The following DENND2B variants were observed in gnomAD, a reference collection of about 807,000 sequenced individuals.
DENND2B encodes DENN domain containing 2B.
Under a neutral mutation model 116.0 loss-of-function variants are expected in DENND2B, and 32 were observed. That is an observed-to-expected ratio of 0.28 (90% CI 0.21 to 0.37). The LOEUF is 0.37. Ranked by LOEUF, DENND2B falls within the 10% of genes least tolerant of loss-of-function variation. DENND2B has a pLI of 1.00. For missense variants in DENND2B, 1,276 were observed against 1,477.7 expected, an observed-to-expected ratio of 0.86 and a Z score of 2.24; for synonymous variants, 588 against 583.9, an observed-to-expected ratio of 1.01 and a Z score of -0.10.
intron 2 of DENND2B, among the ~76,000 whole-genome samples, chr11:8,741,732 G>C (rs1182750401): frequency 6.6e-6 from 1 of 152,188 alleles, no homozygotes; most frequent in Non-Finnish European, 1.5e-5. Context: ...CATGCTAGGA[G>C]CAAGCCCAGG....
At chr11:8,710,231 G>T (rs769932480) in intron 11 of DENND2B, among the ~76,000 whole-genome samples, 46 of 152,148 alleles carry the variant, frequency 3.0e-4, no homozygotes, top group Middle Eastern at 3.2e-3. Flanking sequence ...TATTTCCCAG[G>T]ACTAATGGGA....
At chr11:8,878,661 G>A (rs1047122712) in intron 2 of DENND2B, among the ~76,000 whole-genome samples, 5 of 152,200 alleles carry the variant, frequency 3.3e-5, no homozygotes, top group Non-Finnish European at 7.3e-5. Flanking sequence ...GATTACAGGT[G>A]TGAGCCACCG....
chr11:8,895,550 G>A (rs2064090946), intron 1 of DENND2B: 1 of 152,098 alleles, frequency 6.6e-6, no homozygotes, highest in South Asian at 2.1e-4. Context: ...CAAAATAATA[G>A]AGACAGAAGA....
rs188234894 is a variant in DENND2B at position 8,877,227 on chromosome 11, C to T, written c.-156+3783G>A. Among the ~76,000 whole-genome samples, 327 of 151,484 alleles carry T rather than the reference C, an allele frequency of 2.2e-3. 8 individuals carry two copies. In the East Asian group the frequency reaches 0.045, roughly 21 times the overall value. ...CATGCCATTCTCCTGCCTTAGCCTCCCGAGTAGCTGGGACTACAGGTGCCC... is the reference window on the plus strand; with the variant it reads ...CATGCCATTCTCCTGCCTTAGCCTCTCGAGTAGCTGGGACTACAGGTGCCC... On this transcript the variant is annotated intron_variant, in intron 2 of 22. Transcript: ENST00000534127.
chr11:8,827,442 T>C (rs1030277374), intron 4 of DENND2B, among the ~76,000 whole-genome samples: 2 of 152,210 alleles, frequency 1.3e-5, no homozygotes, highest in Non-Finnish European at 2.9e-5. Flanking sequence ...TGAAAGATTA[T>C]AGCCACTCAT....
chr11:8,883,893 C>T (rs1336294591), intron 1 of DENND2B, among the ~76,000 whole-genome samples: 1 of 152,148 alleles, frequency 6.6e-6, no homozygotes, highest in African/African-American at 2.4e-5. Flanking sequence ...CTGACTTAAG[C>T]GATGTTTTGA....
At chr11:8,819,733 T>G (rs1180568270) in intron 4 of DENND2B, among the ~76,000 whole-genome samples, 1 of 152,120 alleles carries the variant, frequency 6.6e-6, no homozygotes, top group Non-Finnish European at 1.5e-5. Context: ...GCCAGGGTCA[T>G]GAAAGACAAG....
intron 1 of DENND2B, chr11:8,809,555 T>C (rs533502482): frequency 1.3e-5 from 2 of 152,348 alleles, no homozygotes; most frequent in African/African-American, 2.4e-5. Flanking sequence ...ACAACCCCAC[T>C]ACCCTATCAC....
At chr11:8,889,408 G>A (rs912266037) in intron 1 of DENND2B, among the ~76,000 whole-genome samples, 1 of 152,188 alleles carries the variant, frequency 6.6e-6, no homozygotes, top group Non-Finnish European at 1.5e-5. Flanking sequence ...AGTACAGTGG[G>A]TGCAGCCCAA....
chr11:8,845,905 G>T (rs929735802), intron 3 of DENND2B, among the ~76,000 whole-genome samples: 1 of 149,978 alleles, frequency 6.7e-6, no homozygotes, highest in Non-Finnish European at 1.5e-5. Context: ...CTCAATAAAG[G>T]TCTGATTAAA....
chr11:8,746,422 C>T (rs890243703), intron 2 of DENND2B, among the ~76,000 whole-genome samples: 12 of 152,230 alleles, frequency 7.9e-5, no homozygotes, highest in Admixed American at 7.9e-4. Flanking sequence ...AGATATATCT[C>T]AAGATCCCTT....
chr11:8,712,166 T>C lies in DENND2B; in HGVS notation c.2172+385A>G, dbSNP rs796771442. Reference sequence around the variant, plus strand: ...GGTGGGAGAAGTGCGGAGTGACAGCTAGTGGGTGCAGAGTTTCTCTTTGGG... The same window carrying C: ...GGTGGGAGAAGTGCGGAGTGACAGCCAGTGGGTGCAGAGTTTCTCTTTGGG... On this transcript the variant is annotated intron_variant, in intron 9 of 19. Coordinates refer to ENST00000313726, the MANE Select transcript of DENND2B (RefSeq NM_213618.2). The surrounding 1 kb of genome is among the most constrained non-coding windows in gnomAD (Gnocchi z 4.4). 20 of 363,454 alleles carry C rather than the reference T, an allele frequency of 5.5e-5. No homozygotes were observed. Among genetic ancestry groups the C allele is most frequent in the African/African-American group, 4.2e-4 (20 of 47,192 alleles). 22.5% of individuals were successfully genotyped at this position (363,454 alleles called of 1,614,324 possible).
Position 8,752,277 on chromosome 11 carries a change from C to T in DENND2B, c.-25-1552G>A, listed in dbSNP as rs138264781. Reference sequence around the variant, plus strand: ...GACCAGCCTGGGCAACATGGTGAAACCCCTTCTCTACTAAAAATACAAAAA... The same window carrying T: ...GACCAGCCTGGGCAACATGGTGAAATCCCTTCTCTACTAAAAATACAAAAA... On this transcript the variant is annotated intron_variant, in intron 1 of 19. Transcript: ENST00000313726. 4.5e-3 allele frequency among the ~76,000 whole-genome samples: 689 copies of T among 152,204 alleles called. 2 individuals are homozygous for T. Among genetic ancestry groups the T allele is most frequent in the Non-Finnish European group, 6.9e-3 (470 of 68,010 alleles).
At chr11:8,894,870 A>G (rs1159133128) in intron 1 of DENND2B, among the ~76,000 whole-genome samples, 9 of 152,188 alleles carry the variant, frequency 5.9e-5, no homozygotes, top group Admixed American at 1.3e-4. Flanking sequence ...AACTAGAAAT[A>G]CCATTTGACC....
intron 3 of DENND2B, among the ~76,000 whole-genome samples, chr11:8,852,333 G>A (rs1381412822): frequency 6.6e-6 from 1 of 152,000 alleles, no homozygotes; most frequent in Non-Finnish European, 1.5e-5. Context: ...ATTAATATGG[G>A]GATCAAAAAA....
At chr11:8,785,030 G>A (rs932058463) in intron 1 of DENND2B, 1 of 152,188 alleles carries the variant, frequency 6.6e-6, no homozygotes, top group Non-Finnish European at 1.5e-5. Context: ...CTTTCTGGAT[G>A]TAGTACCCCC....
At chr11:8,801,438 A>G (rs2060301698) in intron 1 of DENND2B, among the ~76,000 whole-genome samples, 1 of 152,156 alleles carries the variant, frequency 6.6e-6, no homozygotes, top group African/African-American at 2.4e-5. Flanking sequence ...GCACTTTGGG[A>G]GGCCGAGGCA....
At chr11:8,811,223 G>A (rs574845139), upstream of DENND2B, 10 of 398,514 alleles carry the variant, frequency 2.5e-5, no homozygotes, top group Non-Finnish European at 4.0e-5. Context: ...CCAGGAGCTC[G>A]CCTGGACTGG....
chr11:8,732,734 A>C (rs746338652), intron 2 of DENND2B, among the ~76,000 whole-genome samples: 8 of 152,232 alleles, frequency 5.3e-5, no homozygotes, highest in Non-Finnish European at 7.3e-5. Context: ...ACCACTGTCA[A>C]CTTTCAGAAT....
Sources: allele counts gnomAD v4.1 joint callset (sites outside exome capture counted in the v4.1 genomes callset), GRCh38; gene constraint gnomAD v4.1.1; non-coding constraint Gnocchi (gnomAD v3.1); transcripts MANE v1.5; gene names NCBI Gene and HGNC (gene_info 2026-07-23, HGNC 2026-07-21).